Variants in EIF2AK1 observed in about 807,000 individuals in gnomAD.
The protein encoded by EIF2AK1 is eukaryotic translation initiation factor 2-alpha kinase 1.
EIF2AK1 carries 54 observed loss-of-function variants against 77.9 expected under a neutral mutation model. The ratio of observed to expected loss-of-function variants is 0.69; its 90% CI spans 0.56 to 0.87. EIF2AK1 has a LOEUF of 0.87. EIF2AK1 is among the 40% of genes least tolerant of loss of function. The pLI is 0.00. For synonymous variants in EIF2AK1, 314 were observed against 290.5 expected (o/e 1.08, Z -0.82); for missense variants, 810 against 768.6 (o/e 1.05, Z -0.64).
chr7:6,027,778 G>A lies in EIF2AK1; in HGVS notation c.1531-817C>T, dbSNP rs1366047674. Reference sequence around the variant, plus strand: ...TAAAGGGAAAGCTCATTTCAAAATCGATTTAGGCCAGGCGCAGAGGTTCAT... The same window carrying A: ...TAAAGGGAAAGCTCATTTCAAAATCAATTTAGGCCAGGCGCAGAGGTTCAT... On this transcript the variant is annotated intron_variant, in intron 13 of 14. Coordinates refer to ENST00000199389, the MANE Select transcript of EIF2AK1 (RefSeq NM_014413.4). The surrounding 1 kb of genome is among the most constrained non-coding windows in gnomAD (Gnocchi z 4.5). 4.2e-6 allele frequency: 1 copy of A among 236,400 alleles called. No individual in the cohort carries two copies. Among genetic ancestry groups the A allele is most frequent in the Non-Finnish European group, 8.7e-6 (1 of 114,668 alleles). 14.6% of individuals were successfully genotyped at this position (236,400 alleles called of 1,614,324 possible).
At chr7:6,030,409 G>T (rs1174062375) in intron 11 of EIF2AK1, among the ~76,000 whole-genome samples, 1 of 152,114 alleles carries the variant, frequency 6.6e-6, no homozygotes, top group Non-Finnish European at 1.5e-5. Context: ...CTTGCAAGAG[G>T]GCTATTAAAA....
chr7:6,050,866 G>T (rs1261712440), intron 2 of EIF2AK1, among the ~76,000 whole-genome samples: 2 of 151,908 alleles, frequency 1.3e-5, no homozygotes, highest in Non-Finnish European at 2.9e-5. Flanking sequence ...GCCTCCCTAA[G>T]TGCTGGGATT....
chr7:6,035,771 G>C lies in EIF2AK1; in HGVS notation c.1332+1653C>G. 1 of 1,551,128 alleles carries C rather than the reference G, an allele frequency of 6.4e-7. No homozygotes were observed. The highest frequency in any genetic ancestry group is 8.7e-7 in the Non-Finnish European group (1 of 1,147,126). Reference sequence around the variant, plus strand: ...ACATGGCCGCAAACATGCTGAATAAGGAGATGATGGAAACGCTCATTGCCT... The same window carrying C: ...ACATGGCCGCAAACATGCTGAATAACGAGATGATGGAAACGCTCATTGCCT... On this transcript the variant is annotated intron_variant, in intron 11 of 14. Coordinates refer to ENST00000199389, the MANE Select transcript of EIF2AK1 (RefSeq NM_014413.4). This position sits in a 1 kb window ranked among gnomAD's most constrained non-coding sequence, Gnocchi z 5.5.
intron 9 of EIF2AK1, 40 bp downstream of exon 9, chr7:6,040,852 A>G: frequency 1.3e-6 from 2 of 1,544,822 alleles, no homozygotes; most frequent in East Asian, 4.5e-5. Flanking sequence ...CACAGTCACC[A>G]ATACTGGCCA....
At chr7:6,048,491 G>A (rs1335019368) in intron 4 of EIF2AK1, among the ~76,000 whole-genome samples, 1 of 152,122 alleles carries the variant, frequency 6.6e-6, no homozygotes, top group Non-Finnish European at 1.5e-5. Flanking sequence ...TGAATATTTA[G>A]GTCAGACCAG....
chr7:6,044,266 C>T (rs921708932), intron 7 of EIF2AK1, among the ~76,000 whole-genome samples: 3 of 151,766 alleles, frequency 2.0e-5, no homozygotes, highest in Non-Finnish European at 4.4e-5. Flanking sequence ...AGATCGAGAC[C>T]ATCCTGGCTA....
chr7:6,035,656 T>C lies in EIF2AK1; in HGVS notation c.1332+1768A>G, dbSNP rs1335111277. The C allele has an allele frequency of 1.9e-6, 3 of 1,550,576 alleles. No homozygotes were observed. The highest frequency in any genetic ancestry group is 2.4e-5 in the East Asian group (1 of 40,928). On this transcript the variant is annotated intron_variant, in intron 11 of 14. Coordinates refer to ENST00000199389, the MANE Select transcript of EIF2AK1 (RefSeq NM_014413.4). This position sits in a 1 kb window ranked among gnomAD's most constrained non-coding sequence, Gnocchi z 5.5. ...AAACGTTCACCACTCCACCTGGCCA[T>C]AGCATATGGTTGCTATCCAGTTCTC...
chr7:6,039,875 T>G (rs1788245419), intron 9 of EIF2AK1, among the ~76,000 whole-genome samples: 1 of 151,714 alleles, frequency 6.6e-6, no homozygotes, highest in African/African-American at 2.4e-5. Flanking sequence ...AGGCAGAGGT[T>G]TCAGTGAGCC....
intron 3 of EIF2AK1, 197 bp downstream of exon 3, chr7:6,049,715 C>G (rs1033911297): frequency 5.1e-5 from 23 of 452,936 alleles, no homozygotes; most frequent in Non-Finnish European, 7.6e-5. Flanking sequence ...CAGCCTTGAA[C>G]TCCTGGCCTC....
intron 12 of EIF2AK1, 78 bp from the exon 13 acceptor site, chr7:6,028,775 G>C (rs1312843971): frequency 6.9e-7 from 1 of 1,458,492 alleles, no homozygotes; most frequent in Non-Finnish European, 9.6e-7. Flanking sequence ...TGAGGAAGCA[G>C]TGTAGCTCCT....
intron 11 of EIF2AK1, among the ~76,000 whole-genome samples, chr7:6,029,780 C>T (rs1787851448): frequency 6.6e-6 from 1 of 152,028 alleles, no homozygotes; most frequent in South Asian, 2.1e-4. Flanking sequence ...GTCAGGAGTT[C>T]AAGACCAGGC....
intron 1 of EIF2AK1, 129 bp downstream of exon 1, chr7:6,058,837 C>T: frequency 1.3e-6 from 1 of 769,858 alleles, no homozygotes; most frequent in Non-Finnish European, 1.9e-6. Flanking sequence ...GCGGCTGGGC[C>T]GCCGGTTCAA....
In EIF2AK1 at chr7:6,059,158, G is replaced by A; in HGVS notation, c.-75C>T. The A allele has an allele frequency of 5.7e-6, 6 of 1,049,118 alleles. No homozygotes were observed. The highest frequency in any genetic ancestry group is 7.6e-6 in the Non-Finnish European group (6 of 790,676). The allele number at this position is 1,049,118 out of a possible 1,614,324, so 65.0% of individuals were successfully genotyped here. On this transcript the variant is annotated 5_prime_UTR_variant, in exon 1 of 15. Transcript: ENST00000199389. Reference sequence around the variant, plus strand: ...GCCACACTCCGATGCTGCAGCTAGCGCCGTCCGACCCGGAAGTAACCCCTC... The same window carrying A: ...GCCACACTCCGATGCTGCAGCTAGCACCGTCCGACCCGGAAGTAACCCCTC...
rs1259053194 is a variant in EIF2AK1 at position 6,032,855 on chromosome 7, T to A, written c.1333-3823A>T. The A allele has an allele frequency of 3.2e-6, 5 of 1,550,974 alleles. No homozygotes were observed. Among genetic ancestry groups the A allele is most frequent in the Non-Finnish European group, 3.5e-6 (4 of 1,146,966 alleles). On this transcript the variant is annotated intron_variant, in intron 11 of 14. Transcript: ENST00000199389. This position sits in a 1 kb window ranked among gnomAD's most constrained non-coding sequence, Gnocchi z 4.3. Reference sequence around the variant, plus strand: ...CCTCCAAAGCCGACAGAGTCTATCATCCCCATCCATCTGGCTGCCAAGTAC... The same window carrying A: ...CCTCCAAAGCCGACAGAGTCTATCAACCCCATCCATCTGGCTGCCAAGTAC...
Position 6,028,705 on chromosome 7 carries a change from T to C in EIF2AK1, c.1448-8A>G. 6.2e-7 allele frequency: 1 copy of C among 1,613,846 alleles called. No individual in the cohort carries two copies. The highest frequency in any genetic ancestry group is 8.5e-7 in the Non-Finnish European group (1 of 1,179,700). On this transcript the variant is annotated splice_polypyrimidine_tract_variant and splice_region_variant and intron_variant, in intron 12 of 14. Coordinates refer to ENST00000199389, the MANE Select transcript of EIF2AK1 (RefSeq NM_014413.4). ...ACGTATGTGTTGGTGTTCCTATCATTTCAAAAGCCACATATTAAACATTGC... is the reference window on the plus strand; with the variant it reads ...ACGTATGTGTTGGTGTTCCTATCATCTCAAAAGCCACATATTAAACATTGC...
intron 9 of EIF2AK1, among the ~76,000 whole-genome samples, chr7:6,039,885 C>T (rs578194808): frequency 3.3e-5 from 5 of 150,320 alleles, no homozygotes; most frequent in African/African-American, 9.8e-5. Context: ...TTCAGTGAGC[C>T]GAGATCATGC....
Position 6,024,155 on chromosome 7 carries a change from C to T in EIF2AK1, c.*518G>A, listed in dbSNP as rs746184584. The T allele has an allele frequency of 1.9e-4, 247 of 1,286,866 alleles. 1 individual carries two copies. In the Middle Eastern group the frequency reaches 5.3e-3, roughly 28 times the overall value. The allele number at this position is 1,286,866 out of a possible 1,614,324, so 79.7% of individuals were successfully genotyped here. Reference sequence around the variant, plus strand: ...ACAGATAAAAAGGTTGGAAGTTGCACACTGTACACTGTTAAGAAGTTGAGC... The same window carrying T: ...ACAGATAAAAAGGTTGGAAGTTGCATACTGTACACTGTTAAGAAGTTGAGC... On this transcript the variant is annotated 3_prime_UTR_variant, in exon 15 of 15. Coordinates refer to ENST00000199389, the MANE Select transcript of EIF2AK1 (RefSeq NM_014413.4).
chr7:6,059,143 G>T lies in EIF2AK1; in HGVS notation c.-60C>A. 1 of 1,152,028 alleles carries T rather than the reference G, an allele frequency of 8.7e-7. No homozygotes were observed. The highest frequency in any genetic ancestry group is 4.2e-5 in the Admixed American group (1 of 23,726). 71.4% of individuals were successfully genotyped at this position (1,152,028 alleles called of 1,614,324 possible). On this transcript the variant is annotated 5_prime_UTR_variant, in exon 1 of 15. Coordinates refer to ENST00000199389, the MANE Select transcript of EIF2AK1 (RefSeq NM_014413.4). ...GGCCAGCCCAGCACTGCCACACTCC[G>T]ATGCTGCAGCTAGCGCCGTCCGACC...
At position 6,024,060 on chromosome 7, in the gene EIF2AK1, T is replaced by A; in HGVS notation, c.*613A>T. On this transcript the variant is annotated 3_prime_UTR_variant, in exon 15 of 15. Transcript: ENST00000199389. ...AGAGATCTGAGCTGCCTGGAGATCA[T>A]CTGGGGTGCGGAGTACAAAGCTTTG... 7.6e-7 allele frequency: 1 copy of A among 1,307,606 alleles called. No homozygotes were observed. The allele number at this position is 1,307,606 out of a possible 1,614,324, so 81.0% of individuals were successfully genotyped here.
Sources: allele counts gnomAD v4.1 joint callset (sites outside exome capture counted in the v4.1 genomes callset), GRCh38; gene constraint gnomAD v4.1.1; non-coding constraint Gnocchi (gnomAD v3.1); transcripts MANE v1.5; gene names NCBI Gene and HGNC (gene_info 2026-07-23, HGNC 2026-07-21).